CPQ: variants seen among roughly 807,000 people sequenced by gnomAD.
CPQ encodes Ser-Met dipeptidase.
A neutral mutation model predicts 45.7 loss-of-function variants in CPQ; 37 were observed. The ratio of observed to expected loss-of-function variants is 0.81; its 90% CI spans 0.62 to 1.07. The LOEUF is 1.07. CPQ is among the 50% of genes least tolerant of loss of function. The pLI is 0.00. For synonymous variants in CPQ, 186 were observed against 205.8 expected, an observed-to-expected ratio of 0.90 and a Z score of 0.82; for missense variants, 537 against 572.9, an observed-to-expected ratio of 0.94 and a Z score of 0.64.
chr8:96,877,069 A>G (rs1419675425), intron 3 of CPQ, among the ~76,000 whole-genome samples: 1 of 152,106 alleles, frequency 6.6e-6, no homozygotes, highest in Non-Finnish European at 1.5e-5. Context: ...CTTTGCTTTT[A>G]TAAATTGCAG....
chr8:97,143,476 TTAA>T lies in CPQ; in HGVS notation c.*297_*299del, dbSNP rs1196486774. 2.3e-5 allele frequency: 5 copies of T among 217,762 alleles called. No homozygotes were observed. Among genetic ancestry groups the T allele is most frequent in the Admixed American group, 2.1e-4 (4 of 18,710 alleles). 13.5% of individuals were successfully genotyped at this position (217,762 alleles called of 1,614,324 possible). A position where few individuals can be genotyped will look rare whatever the true frequency, so the allele number is the denominator to read the frequency against. On this transcript the variant is annotated 3_prime_UTR_variant, in exon 8 of 8. Transcript: ENST00000220763. ...TTGTTTCCACTTTAAAAGTAAACAC[TTAA>T]TAAATTTTTGGAAGATCTCTGATTT...
At chr8:96,784,170 C>G (rs1304228554) in intron 1 of CPQ, among the ~76,000 whole-genome samples, 3 of 151,970 alleles carry the variant, frequency 2.0e-5, no homozygotes, top group Non-Finnish European at 2.9e-5. Context: ...ATAAATGCTT[C>G]CTGTTATTGT....
At chr8:96,777,723 AATATATATATATATATATATATATAT>A (rs71267279) in intron 1 of CPQ, among the ~76,000 whole-genome samples, 3 of 37,846 alleles carry the variant, frequency 7.9e-5, no homozygotes, top group African/African-American at 1.2e-4. Flanking sequence ...TGTCTTAGAA[AATATATATATATATATATATATATAT>A]ATATATATAT....
At chr8:97,024,893 T>C (rs1476366647) in intron 5 of CPQ, among the ~76,000 whole-genome samples, 1 of 152,182 alleles carries the variant, frequency 6.6e-6, no homozygotes, top group African/African-American at 2.4e-5. Context: ...AGAAAATGAG[T>C]ATATTTACTG....
At chr8:96,817,193 G>A (rs982459320) in intron 2 of CPQ, among the ~76,000 whole-genome samples, 1 of 152,038 alleles carries the variant, frequency 6.6e-6, no homozygotes, top group South Asian at 2.1e-4. Flanking sequence ...TCTTAACTGG[G>A]TTTTCTGGAT....
chr8:97,143,313 G>C lies in CPQ; in HGVS notation c.*130G>C. ...AGCACAACTCTATTTCATGCTTTCT[G>C]TTATTATCTTTCTTGATACTTTCCA... On this transcript the variant is annotated 3_prime_UTR_variant, in exon 8 of 8. Coordinates refer to ENST00000220763, the MANE Select transcript of CPQ (RefSeq NM_016134.4). 1 of 849,150 alleles carries C rather than the reference G, an allele frequency of 1.2e-6. No homozygotes were observed. Among genetic ancestry groups the C allele is most frequent in the Non-Finnish European group, 1.8e-6 (1 of 558,904 alleles). 52.6% of individuals were successfully genotyped at this position (849,150 alleles called of 1,614,324 possible).
chr8:96,977,827 G>C (rs1813814980), intron 5 of CPQ, among the ~76,000 whole-genome samples: 1 of 152,216 alleles, frequency 6.6e-6, no homozygotes, highest in African/African-American at 2.4e-5. Context: ...TCAAGGGAAA[G>C]GATGGGGGAC....
intron 2 of CPQ, among the ~76,000 whole-genome samples, chr8:96,816,318 A>G (rs557161923): frequency 7.0e-4 from 107 of 152,158 alleles, no homozygotes; most frequent in Admixed American, 1.2e-3. Context: ...GCAACTCCTC[A>G]TCTGTTAAAG....
At chr8:96,979,917 C>T (rs1481323006) in intron 5 of CPQ, among the ~76,000 whole-genome samples, 1 of 152,134 alleles carries the variant, frequency 6.6e-6, no homozygotes, top group African/African-American at 2.4e-5. Flanking sequence ...TTGCCTGACA[C>T]TAGCATTTTC....
rs183342657 is a variant in CPQ at position 97,027,274 on chromosome 8, G to A, written c.962-2129G>A. ...TGAATGTGGGCAGGTGGTTTGACTC[G>A]GTGGAGCAAGTAGTGGGCACTCTAG... On this transcript the variant is annotated intron_variant, in intron 5 of 7. Transcript: ENST00000220763. 1.8e-3 allele frequency among the ~76,000 whole-genome samples: 267 copies of A among 152,166 alleles called. 3 individuals carry two copies. Among genetic ancestry groups the A allele is most frequent in the Admixed American group, 0.013 (195 of 15,276 alleles).
chr8:97,042,120 T>G (rs1404281016), intron 6 of CPQ, among the ~76,000 whole-genome samples: 1 of 152,262 alleles, frequency 6.6e-6, no homozygotes, highest in Non-Finnish European at 1.5e-5. Context: ...GGTCCTGGAC[T>G]CTTTTTGGTT....
chr8:96,894,886 T>A (rs1391327247), intron 4 of CPQ, among the ~76,000 whole-genome samples: 3 of 152,206 alleles, frequency 2.0e-5, no homozygotes, highest in Admixed American at 2.0e-4. Context: ...CTGCACCAAT[T>A]CTGTTACAAC....
At chr8:96,707,762 G>T (rs941902641) in intron 1 of CPQ, among the ~76,000 whole-genome samples, 1 of 152,006 alleles carries the variant, frequency 6.6e-6, no homozygotes, top group African/African-American at 2.4e-5. Context: ...GTCCAAAATG[G>T]GTTTTACTTG....
intron 1 of CPQ, among the ~76,000 whole-genome samples, chr8:96,770,221 T>G (rs1563492513): frequency 6.6e-6 from 1 of 152,038 alleles, no homozygotes; most frequent in Non-Finnish European, 1.5e-5. Flanking sequence ...ACTGGTGGAC[T>G]TCTCTCAGCA....
chr8:97,105,281 C>T (rs1811385729), intron 7 of CPQ, among the ~76,000 whole-genome samples: 1 of 152,230 alleles, frequency 6.6e-6, no homozygotes, highest in South Asian at 2.1e-4. Context: ...AATTTGACAA[C>T]TCTGGATACC....
At chr8:97,034,582 C>A (rs368085031) in intron 6 of CPQ, among the ~76,000 whole-genome samples, 1 of 152,134 alleles carries the variant, frequency 6.6e-6, no homozygotes, top group Non-Finnish European at 1.5e-5. Flanking sequence ...TTGGTAAATG[C>A]ACATATCTTA....
chr8:96,728,309 A>G (rs1423257247), intron 1 of CPQ, among the ~76,000 whole-genome samples: 3 of 152,160 alleles, frequency 2.0e-5, no homozygotes, highest in African/African-American at 4.8e-5. Context: ...ACAAGAGGCC[A>G]GGATTTTATT....
At chr8:96,700,529 C>T (rs1181018341) in intron 1 of CPQ, among the ~76,000 whole-genome samples, 1 of 152,100 alleles carries the variant, frequency 6.6e-6, no homozygotes, top group Non-Finnish European at 1.5e-5. Context: ...ATAGTGCTGG[C>T]TTGAAGCAGA....
In CPQ at chr8:96,768,578, C is replaced by T. The variant is rs140930670; in HGVS notation, c.-34-16286C>T. Among the ~76,000 whole-genome samples, 9 of 152,236 alleles carry T rather than the reference C, an allele frequency of 5.9e-5. No individual in the cohort carries two copies. In the East Asian group the frequency reaches 1.7e-3, roughly 29 times the overall value. On this transcript the variant is annotated intron_variant, in intron 1 of 7. Transcript: ENST00000220763. ...TGTACCAGCATATCAGATTTTAAAACGGAATGGTGAATTTTTGTTGAGTTA... is the reference window on the plus strand; with the variant it reads ...TGTACCAGCATATCAGATTTTAAAATGGAATGGTGAATTTTTGTTGAGTTA...
Sources: allele counts gnomAD v4.1 joint callset (sites outside exome capture counted in the v4.1 genomes callset), GRCh38; gene constraint gnomAD v4.1.1; transcripts MANE v1.5; gene names NCBI Gene and HGNC (gene_info 2026-07-23, HGNC 2026-07-21).